FOCAD: variants seen among roughly 807,000 people sequenced by gnomAD.
The protein encoded by FOCAD is focadhesin, also known as KIAA1797.
Under a neutral mutation model 225.6 loss-of-function variants are expected in FOCAD, and 198 were observed. That is an observed-to-expected ratio of 0.88 (90% CI 0.78 to 0.99). The LOEUF is 0.99. Among genes scored for constraint, FOCAD ranks in the 50% least tolerant of loss-of-function variants. The pLI is 0.00. For missense variants in FOCAD, 2,713 were observed against 2,123.6 expected (o/e 1.28, Z -5.46); for synonymous variants, 897 against 755.0 (o/e 1.19, Z -3.08).
chr9:20,811,479 T>C (rs999964086), intron 11 of FOCAD, among the ~76,000 whole-genome samples: 4 of 152,100 alleles, frequency 2.6e-5, no homozygotes, highest in Non-Finnish European at 5.9e-5. Flanking sequence ...AGAAAGATTG[T>C]CTGGTTGGGA....
chr9:20,875,114 C>G (rs996688591), intron 19 of FOCAD: 4 of 291,160 alleles, frequency 1.4e-5, no homozygotes, highest in South Asian at 9.1e-5. Context: ...CACTGGTACT[C>G]TAGGTCATTG....
intron 11 of FOCAD, among the ~76,000 whole-genome samples, chr9:20,804,862 C>T (rs369930800): frequency 3.9e-5 from 5 of 129,158 alleles, no homozygotes; most frequent in African/African-American, 8.9e-5. Context: ...AAATCAGTGG[C>T]GGGGGGTGGG....
chr9:20,952,925 C>G (rs1351013556), intron 34 of FOCAD, 60 bp from the exon 35 acceptor site: 5 of 1,329,594 alleles, frequency 3.8e-6, no homozygotes, highest in South Asian at 3.6e-5. Context: ...AGATCATTAT[C>G]TTTCCTTCAT....
chr9:20,692,591 T>C (rs12339387), intron 1 of FOCAD, among the ~76,000 whole-genome samples: 3,522 of 152,316 alleles, frequency 0.023, 139 homozygotes, highest in African/African-American at 0.081. Flanking sequence ...TTTGCTGGTC[T>C]TGCCCGTGCT....
chr9:20,727,143 C>T (rs1206167145), intron 4 of FOCAD, among the ~76,000 whole-genome samples: 1 of 152,092 alleles, frequency 6.6e-6, no homozygotes, highest in Non-Finnish European at 1.5e-5. Context: ...AGCTTATTAG[C>T]TTGTTTCTAG....
intron 19 of FOCAD, 22 bp downstream of exon 19, chr9:20,874,829 A>T (rs1208805718): frequency 1.9e-6 from 3 of 1,613,210 alleles, no homozygotes; most frequent in Non-Finnish European, 2.5e-6. Flanking sequence ...TTGGTAGTAG[A>T]GAAGCTAGCA....
rs561248808 is a variant in FOCAD, at chr9:20,929,378, C to T, written c.3099C>T (p.Asn1033=). 4 of 1,614,082 alleles carry T rather than the reference C, an allele frequency of 2.5e-6. No individual in the cohort carries two copies. The highest frequency in any genetic ancestry group is 1.3e-5 in the African/African-American group (1 of 75,020). The change falls in exon 27 of 44, where the codon AAC becomes AAT. Residue 1033 remains asparagine (N), a synonymous_variant. Transcript: ENST00000338382. Reference sequence around the variant, plus strand: ...CCTAGAAGTCCTATTCTGGTGAAAACACAGCTAGTGCCATTGCCCGTTCTG... The same window carrying T: ...CCTAGAAGTCCTATTCTGGTGAAAATACAGCTAGTGCCATTGCCCGTTCTG... The part of the protein sequence containing the change: ...WFYYKSYSGE[N]TASAIARSAA...
At chr9:20,677,894 A>G (rs1563870325) in intron 2 of FOCAD, among the ~76,000 whole-genome samples, 1 of 152,262 alleles carries the variant, frequency 6.6e-6, no homozygotes, top group Non-Finnish European at 1.5e-5. Flanking sequence ...TGTTCACTGC[A>G]GCATTATTCA....
chr9:20,769,343 A>T (rs959822007), intron 7 of FOCAD, among the ~76,000 whole-genome samples: 1 of 152,174 alleles, frequency 6.6e-6, no homozygotes, highest in African/African-American at 2.4e-5. Flanking sequence ...ATTGAAGCAG[A>T]TGGTCCGTTG....
intron 21 of FOCAD, among the ~76,000 whole-genome samples, chr9:20,894,096 T>G (rs1831866152): frequency 6.6e-6 from 1 of 152,104 alleles, no homozygotes; most frequent in Non-Finnish European, 1.5e-5. Flanking sequence ...TAGTTTTGCC[T>G]TTTCCAGAAT....
Position 20,783,033 on chromosome 9 carries a change from C to T in FOCAD, c.1197+1104C>T, listed in dbSNP as rs1034338655. Among the ~76,000 whole-genome samples, 3 of 152,226 alleles carry T rather than the reference C, an allele frequency of 2.0e-5. No homozygotes were observed. The East Asian group carries it at 5.8e-4, about 29-fold the overall frequency. On this transcript the variant is annotated intron_variant, in intron 10 of 43. Transcript: ENST00000338382. ...AAATTCTAGTAGCTTTTTTACTTTACCTCTTGGTTTGCCCATGTAGAACAA... is the reference window on the plus strand; with the variant it reads ...AAATTCTAGTAGCTTTTTTACTTTATCTCTTGGTTTGCCCATGTAGAACAA...
intron 21 of FOCAD, among the ~76,000 whole-genome samples, chr9:20,891,119 T>C (rs1034856024): frequency 2.6e-5 from 4 of 152,204 alleles, no homozygotes; most frequent in African/African-American, 9.6e-5. Flanking sequence ...GAAGTTACGA[T>C]TGTAATTGTT....
chr9:20,787,286 A>G (rs1820020137), intron 10 of FOCAD, among the ~76,000 whole-genome samples: 1 of 152,216 alleles, frequency 6.6e-6, no homozygotes, highest in Non-Finnish European at 1.5e-5. Context: ...GGAAGATGAC[A>G]GCAATACTAT....
At chr9:20,834,214 C>G (rs535020011) in intron 15 of FOCAD, among the ~76,000 whole-genome samples, 1 of 152,116 alleles carries the variant, frequency 6.6e-6, no homozygotes, top group South Asian at 2.1e-4. Flanking sequence ...AAACCAAACA[C>G]CGCATGTTGT....
Position 20,720,424 on chromosome 9 carries a change from T to C in FOCAD, c.177T>C (p.Asn59=). 6.2e-7 allele frequency: 1 copy of C among 1,614,096 alleles called. No homozygotes were observed. Among genetic ancestry groups the C allele is most frequent in the Non-Finnish European group, 8.5e-7 (1 of 1,179,996 alleles). The change falls in exon 4 of 44, where the codon AAT becomes AAC. Residue 59 remains asparagine, a synonymous_variant. Transcript: ENST00000338382. Reference sequence around the variant, plus strand: ...TGTGGGAGAAGTGTTGCAGTGACAATGTAGTGGTTCGAACAGCCTGCTGTG... The same window carrying C: ...TGTGGGAGAAGTGTTGCAGTGACAACGTAGTGGTTCGAACAGCCTGCTGTG... ...NLLWEKCCSD[N]VVVRTACCEG... is the part of the protein sequence containing the mutation.
chr9:20,658,086 G>T (rs1271217691), upstream of FOCAD, among the ~76,000 whole-genome samples: 2 of 149,090 alleles, frequency 1.3e-5, no homozygotes, highest in Non-Finnish European at 3.0e-5. Flanking sequence ...CAGTTAGGCT[G>T]CTCAGGGGTC....
chr9:20,841,897 C>A (rs1052277124), intron 15 of FOCAD, among the ~76,000 whole-genome samples: 9 of 151,784 alleles, frequency 5.9e-5, no homozygotes, highest in Non-Finnish European at 1.3e-4. Flanking sequence ...CTACTATTGA[C>A]TTCTATCTTA....
chr9:20,982,577 T>G, intron 39 of FOCAD, 131 bp downstream of exon 39: 4 of 690,696 alleles, frequency 5.8e-6, no homozygotes. Context: ...GAAACTATAT[T>G]TCATTTACAT....
At chr9:20,756,353 G>A (rs1300853350) in intron 5 of FOCAD, among the ~76,000 whole-genome samples, 2 of 152,026 alleles carry the variant, frequency 1.3e-5, no homozygotes, top group Non-Finnish European at 2.9e-5. Flanking sequence ...TGTCAGAGAG[G>A]TGTTTCACAT....
Sources: allele counts gnomAD v4.1 joint callset (sites outside exome capture counted in the v4.1 genomes callset), GRCh38; gene constraint gnomAD v4.1.1; transcripts MANE v1.5; gene names NCBI Gene and HGNC (gene_info 2026-07-23, HGNC 2026-07-21).